ARHGEF7: variants seen among roughly 807,000 people sequenced by gnomAD.
ARHGEF7 encodes the protein PAK-interacting exchange factor beta.
Under a neutral mutation model 109.8 loss-of-function variants are expected in ARHGEF7, and 33 were observed. That is an observed-to-expected ratio of 0.30 (90% CI 0.23 to 0.40). The LOEUF is 0.40. ARHGEF7 is among the 10% of genes least tolerant of loss of function. The pLI, the probability that ARHGEF7 is intolerant of heterozygous loss-of-function variation, is 1.00. For missense variants in ARHGEF7, 938 were observed against 1,098.5 expected (o/e 0.85, Z 2.07); for synonymous variants, 458 against 424.6 (o/e 1.08, Z -0.97).
intron 3 of ARHGEF7, among the ~76,000 whole-genome samples, chr13:111,206,965 A>G (rs1333229654): frequency 7.1e-6 from 1 of 141,580 alleles, no homozygotes; most frequent in Non-Finnish European, 1.6e-5. Flanking sequence ...CCATCTAAAA[A>G]AAAAAAAAAA....
At chr13:111,190,352 C>T (rs1398562396) in intron 2 of ARHGEF7, among the ~76,000 whole-genome samples, 1 of 151,930 alleles carries the variant, frequency 6.6e-6, no homozygotes, top group East Asian at 1.9e-4. Context: ...CCCGTAAACA[C>T]CGGGCAGCAT....
intron 1 of ARHGEF7, among the ~76,000 whole-genome samples, chr13:111,143,280 A>T (rs980219563): frequency 1.3e-5 from 2 of 152,138 alleles, no homozygotes; most frequent in Non-Finnish European, 2.9e-5. Context: ...GGTGGACATG[A>T]CCCTGCCTCA....
At chr13:111,270,991 A>T (rs1450090898) in intron 9 of ARHGEF7, among the ~76,000 whole-genome samples, 1 of 152,178 alleles carries the variant, frequency 6.6e-6, no homozygotes, top group Non-Finnish European at 1.5e-5. Flanking sequence ...CCGTGGTCAG[A>T]GGGGCCGGCC....
chr13:111,293,598 A>G, intron 19 of ARHGEF7: 1 of 985,294 alleles, frequency 1.0e-6, no homozygotes, highest in Non-Finnish European at 1.2e-6. Flanking sequence ...GAGGGGCCAA[A>G]TTGTGTTCTG....
chr13:111,278,044 A>G (rs1156870719), intron 13 of ARHGEF7, among the ~76,000 whole-genome samples: 1 of 152,184 alleles, frequency 6.6e-6, no homozygotes, highest in Non-Finnish European at 1.5e-5. Context: ...GGGGTAGTGT[A>G]GACTAAGATC....
At chr13:111,210,023 T>TA (rs764765261) in intron 4 of ARHGEF7, 21 bp downstream of exon 4, 1 of 1,614,132 alleles carries the variant, frequency 6.2e-7, no homozygotes, top group South Asian at 1.1e-5. Context: ...GAGATTTTGT[T>TA]ACTTAAATAT....
chr13:111,256,654 G>A (rs1312056821), intron 8 of ARHGEF7, among the ~76,000 whole-genome samples: 4 of 152,090 alleles, frequency 2.6e-5, no homozygotes, highest in Non-Finnish European at 4.4e-5. Flanking sequence ...CGCTCTCTTC[G>A]TATTACCCAC....
chr13:111,177,037 G>A (rs1175067545), intron 2 of ARHGEF7, among the ~76,000 whole-genome samples: 1 of 152,252 alleles, frequency 6.6e-6, no homozygotes, highest in East Asian at 1.9e-4. Flanking sequence ...GATTACAGGC[G>A]TGAGCCACCG....
chr13:111,274,938 ACTC>A (rs2092393584), intron 11 of ARHGEF7, 148 bp downstream of exon 11: 2 of 471,254 alleles, frequency 4.2e-6, no homozygotes. Context: ...TGGCTGGTAA[ACTC>A]CTTTTAGTGG....
rs548263554 is a variant in ARHGEF7, at chr13:111,173,761, A to G, written c.252+19770A>G. ...GAGATGTCTCGTGTTTGAGGATGTC[A>G]TTTGCTACCTGCAGCACCTGGTCTT... On this transcript the variant is annotated intron_variant, in intron 2 of 21. Transcript: ENST00000646102. Among the ~76,000 whole-genome samples, 348 of 145,202 alleles carry G rather than the reference A, an allele frequency of 2.4e-3. 2 individuals carry two copies. The highest frequency in any genetic ancestry group is 3.6e-3 in the Non-Finnish European group (237 of 66,154).
chr13:111,199,354 A>T (rs1404660611), intron 2 of ARHGEF7, among the ~76,000 whole-genome samples: 1 of 151,884 alleles, frequency 6.6e-6, no homozygotes, highest in African/African-American at 2.4e-5. Context: ...TGTCTGCTGA[A>T]GCCTTTTTAT....
intron 2 of ARHGEF7, among the ~76,000 whole-genome samples, chr13:111,186,521 G>A (rs748438883): frequency 4.6e-5 from 7 of 152,276 alleles, no homozygotes; most frequent in African/African-American, 9.6e-5. Context: ...AAGTGAAAAC[G>A]TACTGCTGGA....
chr13:111,251,695 T>G (rs2089796071), intron 8 of ARHGEF7, among the ~76,000 whole-genome samples: 1 of 152,256 alleles, frequency 6.6e-6, no homozygotes, highest in Admixed American at 6.5e-5. Flanking sequence ...GCATTGTAGT[T>G]AGTGCTTCTG....
intron 2 of ARHGEF7, among the ~76,000 whole-genome samples, chr13:111,163,763 G>C (rs1313896925): frequency 6.6e-6 from 1 of 152,054 alleles, no homozygotes; most frequent in Non-Finnish European, 1.5e-5. Flanking sequence ...TCTAACTCCT[G>C]GGCTCAAGCA....
chr13:111,251,021 G>A (rs929923851), intron 8 of ARHGEF7, among the ~76,000 whole-genome samples: 8 of 152,218 alleles, frequency 5.3e-5, no homozygotes, highest in African/African-American at 1.7e-4. Context: ...GGACATTGCT[G>A]AGTGGCATGA....
chr13:111,260,779 C>T (rs1435055694), intron 8 of ARHGEF7, among the ~76,000 whole-genome samples: 1 of 152,110 alleles, frequency 6.6e-6, no homozygotes, highest in Admixed American at 6.5e-5. Flanking sequence ...TGATAAAAAA[C>T]TACAAGTTTT....
chr13:111,117,054 A>T (rs1476488021), intron 1 of ARHGEF7, among the ~76,000 whole-genome samples: 3 of 152,212 alleles, frequency 2.0e-5, no homozygotes, highest in African/African-American at 7.2e-5. Context: ...TGCTGTTTGG[A>T]TACTGGTACC....
At chr13:111,229,701 G>C (rs9560013) in intron 5 of ARHGEF7, among the ~76,000 whole-genome samples, 36,104 of 152,052 alleles carry the variant, frequency 0.24, 5,362 homozygotes, top group East Asian at 0.78. Flanking sequence ...TGTGTACCCT[G>C]GGTTGTAGAA....
intron 1 of ARHGEF7, among the ~76,000 whole-genome samples, chr13:111,139,585 C>T (rs1336546183): frequency 2.7e-5 from 4 of 150,022 alleles, no homozygotes; most frequent in Non-Finnish European, 4.5e-5. Context: ...GGAGCACTGG[C>T]GGGTGCCTGT....
Sources: allele counts gnomAD v4.1 joint callset (sites outside exome capture counted in the v4.1 genomes callset), GRCh38; gene constraint gnomAD v4.1.1; transcripts MANE v1.5; gene names NCBI Gene and HGNC (gene_info 2026-07-23, HGNC 2026-07-21).